Variants in SPATA13 observed in about 807,000 individuals in gnomAD.
SPATA13 encodes the protein spermatogenesis associated 13, also known as spermatogenesis-associated protein 13.
SPATA13 carries 50 observed loss-of-function variants against 104.0 expected under a neutral mutation model. The observed-to-expected ratio is 0.48, with a 90% CI of 0.38 to 0.61. The LOEUF is 0.61. SPATA13 is among the 20% of genes least tolerant of loss of function. The pLI is 0.00. For synonymous variants in SPATA13, 606 were observed against 667.5 expected, an observed-to-expected ratio of 0.91 and a Z score of 1.42; for missense variants, 1,524 against 1,690.6, an observed-to-expected ratio of 0.90 and a Z score of 1.73.
intron 1 of SPATA13, among the ~76,000 whole-genome samples, chr13:24,187,234 C>G (rs1217247144): frequency 6.6e-6 from 1 of 152,144 alleles, no homozygotes; most frequent in Non-Finnish European, 1.5e-5. Context: ...ACAGCAAGAT[C>G]TGCTTTTCTG....
At chr13:24,230,930 G>C (rs1461748204) in intron 2 of SPATA13, among the ~76,000 whole-genome samples, 1 of 152,190 alleles carries the variant, frequency 6.6e-6, no homozygotes, top group Non-Finnish European at 1.5e-5. Context: ...GGGTTGATCA[G>C]ACCAGCTCTG....
intron 3 of SPATA13, among the ~76,000 whole-genome samples, chr13:24,080,287 A>G (rs1425642016): frequency 6.6e-6 from 1 of 152,248 alleles, no homozygotes; most frequent in East Asian, 1.9e-4. Flanking sequence ...CTGTAAACAA[A>G]TGGCTCAGGA....
Position 24,252,399 on chromosome 13 carries a change from G to A in SPATA13, c.2164+537G>A, listed in dbSNP as rs758162751. On this transcript the variant is annotated intron_variant, in intron 4 of 12. Coordinates refer to ENST00000382108, the MANE Select transcript of SPATA13 (RefSeq NM_001166271.3). ...CCCAACTTAGTGACCTCATCTTAAT[G>A]TGATTATCTACCTAAGACTATTTCC... Among the ~76,000 whole-genome samples the A allele has an allele frequency of 1.1e-3, 169 of 152,190 alleles. 1 individual carries two copies. Among genetic ancestry groups the A allele is most frequent in the Non-Finnish European group, 1.3e-3 (89 of 68,038 alleles).
chr13:24,237,540 G>C (rs896974628), intron 2 of SPATA13, among the ~76,000 whole-genome samples: 1 of 152,180 alleles, frequency 6.6e-6, no homozygotes, highest in Non-Finnish European at 1.5e-5. Context: ...CAGGGGCTGT[G>C]GGGGAAGAGA....
intron 3 of SPATA13, among the ~76,000 whole-genome samples, chr13:24,109,316 C>T (rs1446129713): frequency 1.3e-5 from 2 of 152,158 alleles, no homozygotes; most frequent in Non-Finnish European, 2.9e-5. Flanking sequence ...ACATAGTATT[C>T]CATGGTGGAT....
intron 3 of SPATA13, among the ~76,000 whole-genome samples, chr13:24,134,951 A>T (rs1296290067): frequency 6.6e-6 from 1 of 152,200 alleles, no homozygotes; most frequent in African/African-American, 2.4e-5. Flanking sequence ...TGGTGTCCTT[A>T]AAAAAGTGGA....
chr13:24,014,087 C>T (rs918105335), intron 2 of SPATA13, among the ~76,000 whole-genome samples: 1 of 152,148 alleles, frequency 6.6e-6, no homozygotes, highest in African/African-American at 2.4e-5. Context: ...TGGTTTGCCT[C>T]GCTGTCCTGG....
chr13:24,164,132 G>A (rs1882625214), intron 1 of SPATA13, among the ~76,000 whole-genome samples: 1 of 152,210 alleles, frequency 6.6e-6, no homozygotes, highest in African/African-American at 2.4e-5. Flanking sequence ...TTGAAAATCA[G>A]TACCTGGAAT....
chr13:24,301,042 G>C (rs967005257), intron 12 of SPATA13, among the ~76,000 whole-genome samples: 2 of 152,144 alleles, frequency 1.3e-5, no homozygotes, highest in African/African-American at 4.8e-5. Flanking sequence ...GTTCAAAAAT[G>C]CTGATGCCCA....
intron 7 of SPATA13, among the ~76,000 whole-genome samples, chr13:24,288,198 T>C (rs937933308): frequency 6.6e-6 from 1 of 152,166 alleles, no homozygotes. Context: ...TTAGCCCCCA[T>C]TGCAGATGGG....
At chr13:24,190,340 A>G (rs61948462) in intron 1 of SPATA13, among the ~76,000 whole-genome samples, 1 of 6,008 alleles carries the variant, frequency 1.7e-4, no homozygotes, top group African/African-American at 1.8e-4. Flanking sequence ...TATTATATAT[A>G]ATATATAATA....
intron 3 of SPATA13, among the ~76,000 whole-genome samples, chr13:24,095,344 T>A (rs930971347): frequency 6.6e-6 from 1 of 152,192 alleles, no homozygotes; most frequent in Non-Finnish European, 1.5e-5. Flanking sequence ...ATTCCACTTA[T>A]ATGAAGTACT....
chr13:24,105,801 T>C (rs774352857), intron 3 of SPATA13, among the ~76,000 whole-genome samples: 2 of 152,132 alleles, frequency 1.3e-5, no homozygotes, highest in Non-Finnish European at 2.9e-5. Flanking sequence ...GAGGCCCTTA[T>C]GGTGGGCCTT....
At chr13:24,166,542 A>G (rs9511100) in intron 1 of SPATA13, among the ~76,000 whole-genome samples, 138,535 of 152,148 alleles carry the variant, frequency 0.91, 63,986 homozygotes, top group East Asian at 0.99. Context: ...AGCCCCAAGC[A>G]CATCAGTCAT....
chr13:24,049,302 T>C (rs1878255640), intron 3 of SPATA13, among the ~76,000 whole-genome samples: 1 of 152,212 alleles, frequency 6.6e-6, no homozygotes, highest in African/African-American at 2.4e-5. Flanking sequence ...TTTCTACATT[T>C]GGGTGTGTTT....
chr13:24,283,570 A>C (rs1055968113), intron 4 of SPATA13, among the ~76,000 whole-genome samples: 5 of 152,222 alleles, frequency 3.3e-5, no homozygotes, highest in African/African-American at 1.2e-4. Context: ...TCCTTAAAAG[A>C]TCTTTCTCTC....
chr13:24,290,635 G>A lies in SPATA13; in HGVS notation c.2848-17G>A. 1 of 1,608,654 alleles carries A rather than the reference G, an allele frequency of 6.2e-7. No homozygotes were observed. Among genetic ancestry groups the A allele is most frequent in the Non-Finnish European group, 8.5e-7 (1 of 1,175,104 alleles). On this transcript the variant is annotated splice_polypyrimidine_tract_variant and intron_variant, in intron 8 of 12. Transcript: ENST00000382108. The stretch of plus-strand genomic sequence containing the variant: ...AGGCACCCCAGAAGCTGACGAAGCT[G>A]TACTTTTCCTTCCCAGCAAGAGGGC...
chr13:24,251,088 G>A (rs1873451394), intron 3 of SPATA13, among the ~76,000 whole-genome samples: 1 of 152,198 alleles, frequency 6.6e-6, no homozygotes, highest in Admixed American at 6.5e-5. Flanking sequence ...TTTAGGGATC[G>A]CTATTATAGA....
At chr13:24,165,586 C>A (rs1882696192) in intron 1 of SPATA13, among the ~76,000 whole-genome samples, 2 of 152,126 alleles carry the variant, frequency 1.3e-5, no homozygotes, top group Admixed American at 1.3e-4. Context: ...CACCCCCCAC[C>A]CACCCCAACT....
Sources: gnomAD v4.1 joint callset for allele counts (sites outside exome capture counted in the v4.1 genomes callset) on GRCh38, gnomAD v4.1.1 for gene constraint, MANE v1.5 for transcripts, NCBI Gene and HGNC (gene_info 2026-07-23, HGNC 2026-07-21) for gene names.